PDS5A: variants seen among roughly 807,000 people sequenced by gnomAD.
The protein encoded by PDS5A is PDS5 cohesin associated factor A.
Under a neutral mutation model 167.1 loss-of-function variants are expected in PDS5A, and 42 were observed. The ratio of observed to expected loss-of-function variants is 0.25; its 90% CI spans 0.20 to 0.33. PDS5A has a LOEUF of 0.33. Among genes scored for constraint, PDS5A ranks in the 10% least tolerant of loss-of-function variants. PDS5A has a pLI of 1.00. For synonymous variants in PDS5A, 553 were observed against 554.6 expected (o/e 1.00, Z 0.04); for missense variants, 1,033 against 1,605.9 (o/e 0.64, Z 6.10).
At chr4:39,927,819 A>C (rs1287275026) in intron 3 of PDS5A, 142 bp downstream of exon 3, 1 of 622,378 alleles carries the variant, frequency 1.6e-6, no homozygotes, top group East Asian at 2.8e-5. Context: ...TGAATGAATA[A>C]TTTTGCAACT....
chr4:39,950,395 C>A (rs1161753656), intron 2 of PDS5A, among the ~76,000 whole-genome samples: 1 of 151,424 alleles, frequency 6.6e-6, no homozygotes, highest in Non-Finnish European at 1.5e-5. Flanking sequence ...CCACTGTATA[C>A]TTCAGCCTGG....
chr4:39,960,968 G>A (rs1268702873), intron 2 of PDS5A, among the ~76,000 whole-genome samples: 4 of 151,910 alleles, frequency 2.6e-5, no homozygotes, highest in Admixed American at 6.6e-5. Flanking sequence ...CAGTACAGGC[G>A]TGAGCCACCA....
chr4:39,936,529 G>A (rs892465948), intron 2 of PDS5A, among the ~76,000 whole-genome samples: 2 of 152,112 alleles, frequency 1.3e-5, no homozygotes, highest in Non-Finnish European at 2.9e-5. Context: ...CCGCCTCCTG[G>A]GTTCAAGTGA....
chr4:39,838,934 G>C (rs2109486642), intron 31 of PDS5A, among the ~76,000 whole-genome samples: 1 of 152,096 alleles, frequency 6.6e-6, no homozygotes, highest in Non-Finnish European at 1.5e-5. Flanking sequence ...CAGGAGAATA[G>C]CCGAAATTGC....
At chr4:39,871,637 ATCTG>A in intron 21 of PDS5A, among the ~76,000 whole-genome samples, 2 of 152,236 alleles carry the variant, frequency 1.3e-5, no homozygotes, top group African/African-American at 4.8e-5. Flanking sequence ...GATCCAGCAT[ATCTG>A]TGTCTTTATT....
In PDS5A at chr4:39,862,240, T is replaced by A; in HGVS notation, c.3065A>T (p.Asp1022Val). Residue 1022 changes from aspartate to valine, a missense_variant, in exon 26 of 33, where the codon GAT becomes GTT. Around this residue, in one of 4 missense-constraint regions of PDS5A, gnomAD observed 367 missense variants for 686.7 expected, o/e 0.53. Transcript: ENST00000303538. ...TTACTCTTTGATATCACGAAGCTGATCAACATCTTGTGATCTTGTAAAATC... is the reference window on the plus strand; with the variant it reads ...TTACTCTTTGATATCACGAAGCTGAACAACATCTTGTGATCTTGTAAAATC... ...DPDFTRSQDV[D>V]QLRDIKECLW... The A allele has an allele frequency of 6.7e-7, 1 of 1,499,884 alleles. No homozygotes were observed. The highest frequency in any genetic ancestry group is 9.1e-7 in the Non-Finnish European group (1 of 1,103,202). 92.9% of individuals were successfully genotyped at this position (1,499,884 alleles called of 1,614,324 possible).
At chr4:39,955,797 T>C (rs904267000) in intron 2 of PDS5A, among the ~76,000 whole-genome samples, 4 of 145,920 alleles carry the variant, frequency 2.7e-5, no homozygotes, top group African/African-American at 1.0e-4. Flanking sequence ...AAAACTGCCC[T>C]AAAAAAAAAA....
chr4:39,900,055 T>C (rs952978113), intron 14 of PDS5A, among the ~76,000 whole-genome samples: 1 of 152,132 alleles, frequency 6.6e-6, no homozygotes, highest in Admixed American at 6.5e-5. Flanking sequence ...ATTTATAGGA[T>C]TGATATCTGA....
chr4:39,962,241 A>G (rs1031227341), intron 2 of PDS5A, among the ~76,000 whole-genome samples: 13 of 151,992 alleles, frequency 8.6e-5, no homozygotes, highest in Non-Finnish European at 1.8e-4. Flanking sequence ...TATTTTTAGT[A>G]GAGACGGGGT....
At chr4:39,848,997 A>G in intron 27 of PDS5A, 27 bp from the exon 28 acceptor site, 2 of 1,477,270 alleles carry the variant, frequency 1.4e-6, no homozygotes, top group Non-Finnish European at 1.8e-6. Context: ...ATCATATATA[A>G]CTTTTAGTAT....
In PDS5A at chr4:39,873,460, T is replaced by A. The variant is rs78461837; in HGVS notation, c.2278-316A>T. 3.7e-3 allele frequency among the ~76,000 whole-genome samples: 557 copies of A among 152,342 alleles called. 10 individuals are homozygous for A. Among genetic ancestry groups the A allele is most frequent in the Admixed American group, 0.026 (403 of 15,306 alleles). ...CTAATCTACAACAATGGATTTGCTA[T>A]ACCAGTGGTTTTCTTACCCTGTGGA... On this transcript the variant is annotated intron_variant, in intron 20 of 32. Transcript: ENST00000303538.
At chr4:39,899,350 A>G (rs1418767101) in intron 14 of PDS5A, among the ~76,000 whole-genome samples, 1 of 152,136 alleles carries the variant, frequency 6.6e-6, no homozygotes, top group Non-Finnish European at 1.5e-5. Context: ...TTTCATTTAT[A>G]CTAAATTTGA....
At chr4:39,837,749 GT>G (rs1716561249) in intron 32 of PDS5A, 106 bp downstream of exon 32, 1 of 749,260 alleles carries the variant, frequency 1.3e-6, no homozygotes, top group Non-Finnish European at 2.1e-6. Context: ...CCAGATGCAG[GT>G]TTCTCTCTCA....
chr4:39,927,925 T>C, intron 3 of PDS5A, 36 bp downstream of exon 3: 1 of 1,449,002 alleles, frequency 6.9e-7, no homozygotes, highest in Non-Finnish European at 9.7e-7. Context: ...CAGTGGTGAA[T>C]GAAAAATACA....
At chr4:39,941,051 A>G (rs1302386601) in intron 2 of PDS5A, among the ~76,000 whole-genome samples, 2 of 152,244 alleles carry the variant, frequency 1.3e-5, no homozygotes, top group Non-Finnish European at 2.9e-5. Flanking sequence ...AGGATTGCCA[A>G]TCTAATACTT....
chr4:39,932,414 G>T, intron 2 of PDS5A: 1 of 172,916 alleles, frequency 5.8e-6, no homozygotes, highest in South Asian at 1.7e-4. Context: ...TTAGCCATAA[G>T]AGTGACCCTG....
chr4:39,974,274 CTA>C (rs1312660484), intron 2 of PDS5A: 1 of 543,542 alleles, frequency 1.8e-6, no homozygotes, highest in East Asian at 5.1e-5. Flanking sequence ...CCACTTAATA[CTA>C]TGAGACCAGC....
intron 30 of PDS5A, among the ~76,000 whole-genome samples, 176 bp downstream of exon 30, chr4:39,844,478 CAA>C (rs9306976): frequency 0.36 from 46,311 of 130,044 alleles, 7,249 homozygotes; most frequent in African/African-American, 0.43. Flanking sequence ...GACTTTGTCT[CAA>C]AAAAAAAAAA....
At position 39,929,536 on chromosome 4, in the gene PDS5A, T is replaced by TATACAC. The variant is rs60652108; in HGVS notation, c.139-1373_139-1372insGTGTAT. Among the ~76,000 whole-genome samples, 28 of 116,662 alleles carry TATACAC rather than the reference T, an allele frequency of 2.4e-4. 1 individual carries two copies. Among genetic ancestry groups the TATACAC allele is most frequent in the Non-Finnish European group, 4.8e-4 (28 of 58,242 alleles). The allele number at this position is 116,662 out of a possible 152,430, so 76.5% of individuals were successfully genotyped here. On this transcript the variant is annotated intron_variant, in intron 2 of 32. Transcript: ENST00000303538. ...TTAATAAACTATATATATATATATATATATATATATATATATATATCCCAT... is the reference window on the plus strand; with the variant it reads ...TTAATAAACTATATATATATATATATATACACATATATATATATATATATATCCCAT...
Sources: gnomAD v4.1 joint callset for allele counts (sites outside exome capture counted in the v4.1 genomes callset) on GRCh38, gnomAD v4.1.1 for gene constraint, gnomAD v4.1.1 regional missense constraint, MANE v1.5 for transcripts, NCBI Gene and HGNC (gene_info 2026-07-23, HGNC 2026-07-21) for gene names.